The following DMXL1 variants were observed in gnomAD, a reference collection of about 807,000 sequenced individuals.
The protein encoded by DMXL1 is Dmx like 1, also known as dmX-like protein 1.
DMXL1 carries 99 observed loss-of-function variants against 319.2 expected under a neutral mutation model. The observed-to-expected ratio is 0.31, with a 90% CI of 0.26 to 0.37. The LOEUF (loss-of-function observed/expected upper bound fraction) is 0.37, where lower values mean the gene tolerates loss of function less well. Among genes scored for constraint, DMXL1 ranks in the 10% least tolerant of loss-of-function variants. DMXL1 has a pLI of 1.00. For missense variants in DMXL1, 3,745 were observed against 3,595.6 expected, an observed-to-expected ratio of 1.04 and a Z score of -1.06; for synonymous variants, 1,385 against 1,235.2, an observed-to-expected ratio of 1.12 and a Z score of -2.54.
chr5:119,109,232 T>A (rs546741186), intron 4 of DMXL1, among the ~76,000 whole-genome samples: 1 of 152,360 alleles, frequency 6.6e-6, no homozygotes, highest in Non-Finnish European at 1.5e-5. Flanking sequence ...ACCTTCTTTG[T>A]ATACTAGAGT....
At chr5:119,230,229 A>G (rs1178969958) in intron 38 of DMXL1, among the ~76,000 whole-genome samples, 2 of 152,204 alleles carry the variant, frequency 1.3e-5, no homozygotes, top group African/African-American at 2.4e-5. Context: ...ATATCACATT[A>G]TATTTAGTGC....
intron 3 of DMXL1, 132 bp downstream of exon 3, chr5:119,102,138 T>C (rs1757411326): frequency 2.1e-6 from 1 of 483,840 alleles, no homozygotes; most frequent in South Asian, 4.4e-5. Flanking sequence ...TTAAATTCCA[T>C]TTTGATGTTA....
chr5:119,166,137 G>C (rs1345798595), intron 21 of DMXL1, among the ~76,000 whole-genome samples: 2 of 152,056 alleles, frequency 1.3e-5, no homozygotes, highest in Admixed American at 6.6e-5. Flanking sequence ...TTTGTTTTGA[G>C]TTTATTTCCA....
intron 31 of DMXL1, 97 bp downstream of exon 31, chr5:119,196,553 A>C (rs373681571): frequency 3.7e-6 from 3 of 814,986 alleles, no homozygotes; most frequent in East Asian, 2.5e-5. Flanking sequence ...CTGGGGGGAA[A>C]ATTTAGTGAT....
chr5:119,181,789 G>A (rs1176598129), intron 28 of DMXL1, among the ~76,000 whole-genome samples: 1 of 152,148 alleles, frequency 6.6e-6, no homozygotes, highest in Non-Finnish European at 1.5e-5. Flanking sequence ...TCCAGCCTGG[G>A]CGACAGAGCG....
intron 34 of DMXL1, among the ~76,000 whole-genome samples, chr5:119,207,804 G>A (rs189268451): frequency 7.9e-4 from 120 of 152,242 alleles, no homozygotes; most frequent in African/African-American, 2.8e-3. Flanking sequence ...TTACAGGCGT[G>A]AGCCACCGCG....
In DMXL1 at chr5:119,133,197, A is replaced by G. The variant is rs1411552402; in HGVS notation, c.1381A>G (p.Met461Val). Residue 461 changes from methionine to valine, a missense_variant, in exon 11 of 44, where the codon ATG becomes GTG. Met to Val is a conservative substitution (Grantham distance 21). Around this residue, in one of 4 missense-constraint regions of DMXL1, gnomAD observed 2,096 missense variants for 1,985.4 expected, o/e 1.06. Transcript: ENST00000539542. ...PEKKELGCDK[M>V]VPNSSFTSLS... Reference sequence around the variant, plus strand: ...AAAGAAGGAATTAGGCTGTGATAAAATGGTACCAAACTCAAGTTTTACATC... The same window carrying G: ...AAAGAAGGAATTAGGCTGTGATAAAGTGGTACCAAACTCAAGTTTTACATC... 1 of 1,614,226 alleles carries G rather than the reference A, an allele frequency of 6.2e-7. No homozygotes were observed. Among genetic ancestry groups the G allele is most frequent in the Admixed American group, 1.7e-5 (1 of 60,024 alleles).
chr5:119,244,194 C>A (rs986040163), intron 42 of DMXL1, among the ~76,000 whole-genome samples, 165 bp from the exon 43 acceptor site: 2 of 152,136 alleles, frequency 1.3e-5, no homozygotes, highest in Admixed American at 6.5e-5. Flanking sequence ...TTCTTCATTA[C>A]CTTATATCCA....
rs1290703221 is a variant in DMXL1, at chr5:119,118,962, G to A, written c.891G>A (p.Lys297=). The stretch of plus-strand genomic sequence containing the variant: ...CAATTAATTTAACAAATAACTTCAA[G>A]AGAAATGCTTCCAGTAAAGAACGAG... ...TESINLTNNF[K]RNASSKERVQ... Residue 297 remains lysine, a synonymous_variant, in exon 8 of 44, where the codon AAG becomes AAA. Coordinates refer to ENST00000539542, the MANE Select transcript of DMXL1 (RefSeq NM_001290321.3). The A allele has an allele frequency of 1.9e-6, 3 of 1,613,316 alleles. No individual in the cohort carries two copies. The highest frequency in any genetic ancestry group is 2.5e-6 in the Non-Finnish European group (3 of 1,179,826).
intron 7 of DMXL1, among the ~76,000 whole-genome samples, chr5:119,117,326 C>T (rs189193557): frequency 2.0e-3 from 298 of 152,336 alleles, no homozygotes; most frequent in Non-Finnish European, 2.6e-3. Flanking sequence ...CAAGCATGAG[C>T]CATGTGCGCA....
At chr5:119,102,097 ATTAC>A in intron 3 of DMXL1, 91 bp downstream of exon 3, 1 of 760,274 alleles carries the variant, frequency 1.3e-6, no homozygotes, top group Non-Finnish European at 2.2e-6. Flanking sequence ...GTAAATCGGT[ATTAC>A]TTATATACTG....
chr5:119,137,395 CT>C (rs1481642656), intron 13 of DMXL1, among the ~76,000 whole-genome samples: 1 of 152,070 alleles, frequency 6.6e-6, no homozygotes, highest in East Asian at 1.9e-4. Flanking sequence ...TGGACTTGGA[CT>C]TTTGGGTTAA....
intron 38 of DMXL1, among the ~76,000 whole-genome samples, chr5:119,231,309 A>G (rs1230461955): frequency 6.6e-6 from 1 of 152,188 alleles, no homozygotes; most frequent in Non-Finnish European, 1.5e-5. Context: ...GAGTTTTTGA[A>G]TTCCTTAAAT....
intron 1 of DMXL1, chr5:119,081,685 A>G: frequency 2.0e-5 from 20 of 985,386 alleles, no homozygotes; most frequent in Non-Finnish European, 2.4e-5. Context: ...GACTTTACCA[A>G]TTTTAACCAG....
At chr5:119,135,509 G>C (rs903397972) in intron 13 of DMXL1, among the ~76,000 whole-genome samples, 1 of 152,146 alleles carries the variant, frequency 6.6e-6, no homozygotes, top group African/African-American at 2.4e-5. Flanking sequence ...TCCCAAGGCC[G>C]GAGCATGTTT....
At chr5:119,234,610 A>G (rs1787384357) in intron 39 of DMXL1, among the ~76,000 whole-genome samples, 1 of 152,152 alleles carries the variant, frequency 6.6e-6, no homozygotes, top group Non-Finnish European at 1.5e-5. Context: ...TTAGCTCCTT[A>G]GTGGGAAATT....
intron 15 of DMXL1, among the ~76,000 whole-genome samples, chr5:119,146,392 A>G (rs1333784543): frequency 2.0e-5 from 3 of 151,970 alleles, no homozygotes; most frequent in Non-Finnish European, 4.4e-5. Context: ...TTCTTGAATG[A>G]TATGTTTTAT....
At chr5:119,235,169 G>T (rs1351488892) in intron 39 of DMXL1, among the ~76,000 whole-genome samples, 5 of 152,094 alleles carry the variant, frequency 3.3e-5, no homozygotes, top group Non-Finnish European at 7.4e-5. Flanking sequence ...ATTCAATTAT[G>T]AATAGAAATA....
chr5:119,147,076 A>G, intron 16 of DMXL1, 120 bp downstream of exon 16: 1 of 1,205,888 alleles, frequency 8.3e-7, no homozygotes, highest in African/African-American at 1.5e-5. Context: ...TGATAACTGT[A>G]GATTATTCAA....
Sources: gnomAD v4.1 joint callset for allele counts (sites outside exome capture counted in the v4.1 genomes callset) on GRCh38, gnomAD v4.1.1 for gene constraint, gnomAD v4.1.1 regional missense constraint, MANE v1.5 for transcripts, NCBI Gene and HGNC (gene_info 2026-07-23, HGNC 2026-07-21) for gene names.